EVC2: variants seen among roughly 807,000 people sequenced by gnomAD.
The protein encoded by EVC2 is limbin.
A neutral mutation model predicts 149.3 loss-of-function variants in EVC2; 148 were observed. The ratio of observed to expected loss-of-function variants is 0.99; its 90% CI spans 0.87 to 1.14. The LOEUF (loss-of-function observed/expected upper bound fraction) is 1.14, where lower values mean the gene tolerates loss of function less well. EVC2 is among the 50% of genes most tolerant of loss of function. The pLI is 0.00. For missense variants in EVC2, 1,854 were observed against 1,627.3 expected (o/e 1.14, Z -2.40); for synonymous variants, 776 against 649.9 (o/e 1.19, Z -2.95).
chr4:5,584,969 C>T, intron 16 of EVC2, 119 bp from the exon 17 acceptor site: 3 of 1,091,024 alleles, frequency 2.7e-6, no homozygotes, highest in Non-Finnish European at 4.1e-6. Flanking sequence ...CAAAAGTTTA[C>T]AATGGAGACG....
At chr4:5,689,668 T>C (rs2151732278) in intron 4 of EVC2, among the ~76,000 whole-genome samples, 1 of 152,322 alleles carries the variant, frequency 6.6e-6, no homozygotes, top group South Asian at 2.1e-4. Context: ...TGATAACCAG[T>C]GTTACCAAGC....
intron 16 of EVC2, among the ~76,000 whole-genome samples, chr4:5,594,263 G>A (rs1019399372): frequency 2.6e-5 from 4 of 152,224 alleles, no homozygotes; most frequent in African/African-American, 4.8e-5. Context: ...CGGGCAGACT[G>A]CTTCCTCAAG....
intron 17 of EVC2, among the ~76,000 whole-genome samples, chr4:5,577,187 A>C (rs1722985116): frequency 6.6e-6 from 1 of 152,238 alleles, no homozygotes; most frequent in South Asian, 2.1e-4. Flanking sequence ...AATTTGTCAG[A>C]TGATGTAACT....
chr4:5,681,130 G>T, intron 7 of EVC2, 130 bp downstream of exon 7: 2 of 1,013,580 alleles, frequency 2.0e-6, no homozygotes, highest in Non-Finnish European at 3.1e-6. Context: ...ACTGCACAGA[G>T]TCCCAGTCTC....
intron 21 of EVC2, among the ~76,000 whole-genome samples, chr4:5,543,503 T>C (rs1166398957): frequency 6.6e-6 from 1 of 152,176 alleles, no homozygotes; most frequent in African/African-American, 2.4e-5. Flanking sequence ...GTTCTTAGTA[T>C]ACAGAGTATA....
intron 15 of EVC2, among the ~76,000 whole-genome samples, chr4:5,616,275 A>G (rs559332549): frequency 1.3e-5 from 2 of 152,284 alleles, no homozygotes; most frequent in South Asian, 4.1e-4. Context: ...TCATGTTGGA[A>G]CTTGGATCCC....
chr4:5,562,703 C>T lies in EVC2; in HGVS notation c.*145G>A. 1.3e-6 allele frequency: 2 copies of T among 1,530,810 alleles called. No individual in the cohort carries two copies. The highest frequency in any genetic ancestry group is 1.7e-6 in the Non-Finnish European group (2 of 1,147,798). The allele number at this position is 1,530,810 out of a possible 1,614,324, so 94.8% of individuals were successfully genotyped here. On this transcript the variant is annotated 3_prime_UTR_variant, in exon 22 of 22. Transcript: ENST00000344408. This position sits in a 1 kb window ranked among gnomAD's most constrained non-coding sequence, Gnocchi z 4.3. ...GAGACAAGATTAAACCGAGTCCCTG[C>T]AAGTTGGCATGCGCTACGGGGTCTG...
Position 5,663,179 on chromosome 4 carries a change from AG to A in EVC2, c.1072del (p.Leu358PhefsTer7). 1 of 1,614,198 alleles carries A rather than the reference AG, an allele frequency of 6.2e-7. No individual in the cohort carries two copies. Among genetic ancestry groups the A allele is most frequent in the Non-Finnish European group, 8.5e-7 (1 of 1,180,024 alleles). On this transcript the variant is annotated frameshift_variant, in exon 9 of 22. Transcript: ENST00000344408. LOFTEE classifies it high-confidence loss of function. ...FTSADGVNED[L>X]SLNDQMIDIL... ...GTCTATCATTTGGTCGTTAAGGGAA[AG>A]GTCCTCATTCACGCCATCAGCTGAG...
At chr4:5,698,782 CAT>C (rs1385221120) in intron 1 of EVC2, among the ~76,000 whole-genome samples, 5 of 152,230 alleles carry the variant, frequency 3.3e-5, no homozygotes, top group African/African-American at 7.2e-5. Flanking sequence ...TGGCCTAGCA[CAT>C]GTGCTCACCC....
chr4:5,529,574 C>A, the EVC2 span, among the ~76,000 whole-genome samples: 2 of 152,158 alleles, frequency 1.3e-5, no homozygotes, highest in African/African-American at 2.4e-5. This position sits in a 1 kb window ranked among gnomAD's most constrained non-coding sequence, Gnocchi z 4.5. Flanking sequence ...AAGAACATAT[C>A]TTAAAACATC....
chr4:5,589,432 G>A (rs1305000386), intron 16 of EVC2, among the ~76,000 whole-genome samples: 1 of 152,178 alleles, frequency 6.6e-6, no homozygotes, highest in Non-Finnish European at 1.5e-5. Flanking sequence ...GGTCTCAGCA[G>A]AATACTCAAG....
At position 5,708,270 on chromosome 4, in the gene EVC2, G is replaced by A; in HGVS notation, c.228+16C>T. 3 of 1,475,808 alleles carry A rather than the reference G, an allele frequency of 2.0e-6. No homozygotes were observed. The highest frequency in any genetic ancestry group is 2.6e-5 in the South Asian group (2 of 76,060). The allele number at this position is 1,475,808 out of a possible 1,614,324, so 91.4% of individuals were successfully genotyped here. A position where few individuals can be genotyped will look rare whatever the true frequency, so the allele number is the denominator to read the frequency against. ...CACTACAGTCAGACCGGAGCCTGGG[G>A]TCGGGCCCTCCTTACCTGCGTGCTG... On this transcript the variant is annotated intron_variant, in intron 1 of 21. Coordinates refer to ENST00000344408, the MANE Select transcript of EVC2 (RefSeq NM_147127.5).
At chr4:5,552,729 C>T (rs980914626) in intron 21 of EVC2, among the ~76,000 whole-genome samples, 12 of 152,216 alleles carry the variant, frequency 7.9e-5, no homozygotes, top group East Asian at 1.9e-4. Context: ...AAACAGAGTC[C>T]GCAGGTCTAG....
At chr4:5,650,636 T>TAG (rs1412059399) in intron 9 of EVC2, among the ~76,000 whole-genome samples, 53 of 55,648 alleles carry the variant, frequency 9.5e-4, no homozygotes, top group South Asian at 1.4e-3. Context: ...TATATATATA[T>TAG]ATAGAGAGAG....
intron 1 of EVC2, among the ~76,000 whole-genome samples, chr4:5,699,949 T>G (rs1193979877): frequency 6.6e-6 from 1 of 152,168 alleles, no homozygotes; most frequent in Non-Finnish European, 1.5e-5. Flanking sequence ...GAGACCAGTC[T>G]GGCCCACATG....
Position 5,567,125 on chromosome 4 carries a change from T to G in EVC2, c.3557+1319A>C, listed in dbSNP as rs1722334511. On this transcript the variant is annotated intron_variant, in intron 20 of 21. Coordinates refer to ENST00000344408, the MANE Select transcript of EVC2 (RefSeq NM_147127.5). The surrounding 1 kb of genome is among the most constrained non-coding windows in gnomAD (Gnocchi z 4.4). ...TCTGACCAGCCCACACCCAGCCCTC[T>G]GACCACGCCAACAACCAGACCTCTG... 6.6e-6 allele frequency among the ~76,000 whole-genome samples: 1 copy of G among 152,088 alleles called. No homozygotes were observed. Among genetic ancestry groups the G allele is most frequent in the Admixed American group, 6.5e-5 (1 of 15,268 alleles).
intron 10 of EVC2, among the ~76,000 whole-genome samples, chr4:5,632,868 G>A (rs1194915570): frequency 1.3e-5 from 2 of 152,096 alleles, no homozygotes; most frequent in Non-Finnish European, 2.9e-5. Context: ...GCGGGATTCT[G>A]GAATGGCCCC....
rs1281877178 is a variant in EVC2 at position 5,569,375 on chromosome 4, A to G, written c.3361-735T>C. ...TGACAGAGAACTATACGTACATTTTATATCGATGTCAACTTCCTGGTTCTG... is the reference window on the plus strand; with the variant it reads ...TGACAGAGAACTATACGTACATTTTGTATCGATGTCAACTTCCTGGTTCTG... On this transcript the variant is annotated intron_variant, in intron 19 of 21. Transcript: ENST00000344408. This position sits in a 1 kb window ranked among gnomAD's most constrained non-coding sequence, Gnocchi z 4.8. 6.6e-6 allele frequency among the ~76,000 whole-genome samples: 1 copy of G among 152,240 alleles called. No individual in the cohort carries two copies. Among genetic ancestry groups the G allele is most frequent in the Admixed American group, 6.5e-5 (1 of 15,290 alleles).
chr4:5,665,376 G>A, intron 8 of EVC2, 139 bp downstream of exon 8: 2 of 1,266,184 alleles, frequency 1.6e-6, no homozygotes, highest in South Asian at 2.5e-5. Context: ...AGTTTTGGAG[G>A]TGGGCCCTGG....
Sources: allele counts gnomAD v4.1 joint callset (sites outside exome capture counted in the v4.1 genomes callset), GRCh38; gene constraint gnomAD v4.1.1; non-coding constraint Gnocchi (gnomAD v3.1); transcripts MANE v1.5; gene names NCBI Gene and HGNC (gene_info 2026-07-23, HGNC 2026-07-21).